CEP128: variants seen among roughly 807,000 people sequenced by gnomAD.
CEP128 encodes the protein centrosomal protein 128kDa.
In CEP128, 132 loss-of-function variants were observed where a neutral mutation model predicts 156.7. The observed-to-expected ratio is 0.84, with a 90% CI of 0.73 to 0.97. The LOEUF is 0.97. CEP128 is among the 50% of genes least tolerant of loss of function. CEP128 has a pLI of 0.00. For missense variants in CEP128, 1,252 were observed against 1,281.9 expected (o/e 0.98, Z 0.36); for synonymous variants, 469 against 448.9 (o/e 1.04, Z -0.57).
chr14:80,771,128 G>A (rs932336581), intron 16 of CEP128, among the ~76,000 whole-genome samples: 14 of 152,166 alleles, frequency 9.2e-5, no homozygotes, highest in African/African-American at 3.4e-4. Flanking sequence ...TATGTGGAAA[G>A]TTCAGGTTTT....
chr14:80,946,956 G>A (rs1886359979), intron 2 of CEP128, among the ~76,000 whole-genome samples: 2 of 152,124 alleles, frequency 1.3e-5, no homozygotes, highest in South Asian at 4.1e-4. Flanking sequence ...TTGTTTAAAA[G>A]TGTGAAGCAC....
intron 19 of CEP128, among the ~76,000 whole-genome samples, chr14:80,691,339 T>C (rs1896713501): frequency 6.6e-6 from 1 of 152,168 alleles, no homozygotes; most frequent in Non-Finnish European, 1.5e-5. Context: ...GATGGGGGGA[T>C]GGTATCTGGA....
intron 19 of CEP128, among the ~76,000 whole-genome samples, chr14:80,733,282 T>C (rs1330454282): frequency 6.6e-6 from 1 of 151,938 alleles, no homozygotes; most frequent in Non-Finnish European, 1.5e-5. Context: ...TGCTCTTGGG[T>C]CTCTGGCTTG....
chr14:80,513,826 T>A (rs182864686), intron 23 of CEP128, among the ~76,000 whole-genome samples: 1 of 152,320 alleles, frequency 6.6e-6, no homozygotes, highest in African/African-American at 2.4e-5. Context: ...TTTTCTGCCA[T>A]ATCTTGAAAT....
In CEP128 at chr14:80,785,026, G is replaced by T; in HGVS notation, c.2080C>A (p.Gln694Lys). 6.2e-7 allele frequency: 1 copy of T among 1,614,136 alleles called. No homozygotes were observed. The highest frequency in any genetic ancestry group is 1.3e-5 in the African/African-American group (1 of 75,044). ...GATGTGAGATCTTTCAGCTCCCTCT[G>T]GTGCACATCTCGTTCCAGCTTTAAC... ...TQLKLERDVHQRELKDLTSSL... is the reference protein window; with the variant it reads ...TQLKLERDVHKRELKDLTSSL... The change falls in exon 15 of 25, where the codon CAG (glutamine) becomes AAG (lysine). Residue 694 changes from glutamine to lysine, a missense_variant. Physicochemically the swap from Gln to Lys is moderately conservative, Grantham distance 53. Transcript: ENST00000555265.
chr14:80,816,973 AAAG>A (rs932086950), intron 13 of CEP128, among the ~76,000 whole-genome samples: 10 of 152,154 alleles, frequency 6.6e-5, no homozygotes, highest in Non-Finnish European at 1.0e-4. Flanking sequence ...AAAAAAAAAA[AAAG>A]GAACAACTAG....
chr14:80,481,529 A>C (rs1323440714), intron 14 of CEP128, among the ~76,000 whole-genome samples: 1 of 152,236 alleles, frequency 6.6e-6, no homozygotes, highest in Non-Finnish European at 1.5e-5. Context: ...TTAGCTTTGC[A>C]GTAGAGATTC....
intron 19 of CEP128, among the ~76,000 whole-genome samples, chr14:80,674,348 T>C (rs563520927): frequency 1.2e-4 from 18 of 152,148 alleles, no homozygotes; most frequent in Non-Finnish European, 2.4e-4. Flanking sequence ...ATTCTTATTA[T>C]AGAGATTTTA....
At chr14:80,586,503 T>G (rs1891827549) in intron 19 of CEP128, among the ~76,000 whole-genome samples, 1 of 152,224 alleles carries the variant, frequency 6.6e-6, no homozygotes. Flanking sequence ...CAAAAGTGAC[T>G]GCCCTGCTTT....
intron 12 of CEP128, 102 bp downstream of exon 12, chr14:80,836,103 A>G (rs1022523890): frequency 1.2e-5 from 13 of 1,041,864 alleles, no homozygotes; most frequent in Non-Finnish European, 1.7e-5. Flanking sequence ...TGACGTGAGC[A>G]TCACAAAGGA....
chr14:80,596,505 G>A (rs1322084479), intron 19 of CEP128, among the ~76,000 whole-genome samples: 2 of 151,982 alleles, frequency 1.3e-5, no homozygotes, highest in East Asian at 3.9e-4. Context: ...AAAAATACCA[G>A]GAATTGGATA....
chr14:80,514,727 A>T lies in CEP128; in HGVS notation c.3073-9707T>A, dbSNP rs150261384. On this transcript the variant is annotated intron_variant, in intron 23 of 24. Coordinates refer to ENST00000555265, the MANE Select transcript of CEP128 (RefSeq NM_152446.5). ...CTCCAGTATCAGTCTCTGGTGTGTT[A>T]TTTAGTTTGTCTGGTGAGGGCATAT... 9.9e-3 allele frequency: 3,521 copies of T among 354,966 alleles called. 48 individuals are homozygous for T. The highest frequency in any genetic ancestry group is 0.038 in the Middle Eastern group (100 of 2,640). 22.0% of individuals were successfully genotyped at this position (354,966 alleles called of 1,614,324 possible).
chr14:80,871,101 T>C (rs578206827), intron 8 of CEP128, among the ~76,000 whole-genome samples: 2 of 150,542 alleles, frequency 1.3e-5, no homozygotes, highest in South Asian at 4.2e-4. Flanking sequence ...TAAAAGAAAA[T>C]AGCCAGTGGA....
intron 15 of CEP128, among the ~76,000 whole-genome samples, chr14:80,780,218 T>G (rs1251526100): frequency 6.6e-6 from 1 of 152,202 alleles, no homozygotes; most frequent in Non-Finnish European, 1.5e-5. Flanking sequence ...TAAGTTCAAA[T>G]GAAGCTGAAA....
At chr14:80,867,027 A>AT (rs1788915270) in intron 8 of CEP128, among the ~76,000 whole-genome samples, 1 of 152,016 alleles carries the variant, frequency 6.6e-6, no homozygotes, top group Non-Finnish European at 1.5e-5. Flanking sequence ...CTCAGTATAT[A>AT]TTTTTTTTCT....
chr14:80,910,196 T>A (rs1884127205), intron 4 of CEP128, among the ~76,000 whole-genome samples: 1 of 152,252 alleles, frequency 6.6e-6, no homozygotes, highest in Non-Finnish European at 1.5e-5. Flanking sequence ...TTCTTTTACC[T>A]CTGTTCTTTT....
chr14:80,510,850 A>C (rs1163055506), intron 23 of CEP128, among the ~76,000 whole-genome samples: 1 of 151,872 alleles, frequency 6.6e-6, no homozygotes, highest in Non-Finnish European at 1.5e-5. Flanking sequence ...ATGCTTTTTC[A>C]ATATCAATTG....
At chr14:80,861,194 T>C (rs1887496457) in intron 9 of CEP128, among the ~76,000 whole-genome samples, 1 of 152,040 alleles carries the variant, frequency 6.6e-6, no homozygotes, top group Non-Finnish European at 1.5e-5. Flanking sequence ...TTGTTTCATA[T>C]GAGTCAATAA....
intron 24 of CEP128, among the ~76,000 whole-genome samples, chr14:80,500,191 T>A (rs918701905): frequency 6.6e-6 from 1 of 152,230 alleles, no homozygotes; most frequent in Non-Finnish European, 1.5e-5. Flanking sequence ...TATGCAGTAT[T>A]TTCCCATTTC....
Sources: allele counts gnomAD v4.1 joint callset (sites outside exome capture counted in the v4.1 genomes callset), GRCh38; gene constraint gnomAD v4.1.1; transcripts MANE v1.5; gene names NCBI Gene and HGNC (gene_info 2026-07-23, HGNC 2026-07-21).